Variants in ADCK1 observed in about 807,000 individuals in gnomAD.
The protein encoded by ADCK1 is aarF domain-containing protein kinase 1.
Under a neutral mutation model 52.3 loss-of-function variants are expected in ADCK1, and 41 were observed. That is an observed-to-expected ratio of 0.78 (90% CI 0.61 to 1.02). The LOEUF is 1.02. Ranked by LOEUF, ADCK1 falls within the 50% of genes least tolerant of loss-of-function variation. The pLI is 0.00. For missense variants in ADCK1, 658 were observed against 679.5 expected (o/e 0.97, Z 0.35); for synonymous variants, 250 against 274.6 (o/e 0.91, Z 0.89).
chr14:77,914,705 T>G (rs2083876832), intron 7 of ADCK1, among the ~76,000 whole-genome samples: 1 of 152,218 alleles, frequency 6.6e-6, no homozygotes, highest in Non-Finnish European at 1.5e-5. Flanking sequence ...GTTGGAGAGA[T>G]AACATCACTT....
intron 6 of ADCK1, among the ~76,000 whole-genome samples, chr14:77,901,862 C>T (rs895744109): frequency 6.6e-6 from 1 of 152,168 alleles, no homozygotes; most frequent in Non-Finnish European, 1.5e-5. Context: ...GAGGGCTCTT[C>T]TGGTTGTCTA....
chr14:77,852,656 AATAAATATATATATATAT>A lies in ADCK1; in HGVS notation c.220-6416_220-6399del, dbSNP rs1234883695. 4.6e-4 allele frequency among the ~76,000 whole-genome samples: 12 copies of A among 26,184 alleles called. 1 individual carries two copies. The highest frequency in any genetic ancestry group is 9.0e-4 in the African/African-American group (10 of 11,062). The allele number at this position is 26,184 out of a possible 152,430, so 17.2% of individuals were successfully genotyped here. A position where few individuals can be genotyped will look rare whatever the true frequency, so the allele number is the denominator to read the frequency against. Reference sequence around the variant, plus strand: ...ATTTCAGCCATTATTTCTTTAAATAAATAAATATATATATATATATATATATATATATATATATATATA... The same window carrying A: ...ATTTCAGCCATTATTTCTTTAAATAAATATATATATATATATATATATATA... On this transcript the variant is annotated intron_variant, in intron 3 of 10. Transcript: ENST00000238561.
Position 77,933,519 on chromosome 14 carries a change from A to G in ADCK1, c.*128A>G, listed in dbSNP as rs2084390225. The G allele has an allele frequency of 8.5e-7, 1 of 1,176,738 alleles. No individual in the cohort carries two copies. Among genetic ancestry groups the G allele is most frequent in the Non-Finnish European group, 1.2e-6 (1 of 814,102 alleles). The allele number at this position is 1,176,738 out of a possible 1,614,324, so 72.9% of individuals were successfully genotyped here. ...CCCCAGAGTCACTGTCCATGTCACC[A>G]TCCTTCTCCTCCTTTGGAATCCTCT... On this transcript the variant is annotated 3_prime_UTR_variant, in exon 11 of 11. Coordinates refer to ENST00000238561, the MANE Select transcript of ADCK1 (RefSeq NM_020421.4).
intron 3 of ADCK1, among the ~76,000 whole-genome samples, chr14:77,823,006 A>G (rs1161818291): frequency 6.6e-6 from 1 of 151,946 alleles, no homozygotes; most frequent in Non-Finnish European, 1.5e-5. Context: ...TGTCAGGCAA[A>G]ACCCAGTTGA....
At chr14:77,889,717 A>G (rs1056559104) in intron 5 of ADCK1, among the ~76,000 whole-genome samples, 6 of 152,206 alleles carry the variant, frequency 3.9e-5, no homozygotes, top group Non-Finnish European at 5.9e-5. Context: ...GAAATGGTCA[A>G]TGCAGCAACC....
At chr14:77,848,376 G>A (rs570306282) in intron 3 of ADCK1, among the ~76,000 whole-genome samples, 2 of 152,326 alleles carry the variant, frequency 1.3e-5, no homozygotes, top group South Asian at 4.1e-4. Context: ...TCTTGCATCC[G>A]TGCAATGAGG....
intron 7 of ADCK1, among the ~76,000 whole-genome samples, chr14:77,920,018 T>G (rs1437921010): frequency 6.6e-6 from 1 of 152,232 alleles, no homozygotes; most frequent in Non-Finnish European, 1.5e-5. Context: ...GAATATTTTC[T>G]CCTACTCTAT....
At chr14:77,921,326 C>CAAAAAAAAAAAAAAAAAAAAAAAAA (rs756056466) in intron 7 of ADCK1, among the ~76,000 whole-genome samples, 109 of 41,206 alleles carry the variant, frequency 2.6e-3, no homozygotes, top group African/African-American at 3.6e-3. Flanking sequence ...GACTCTGTCT[C>CAAAAAAAAAAAAAAAAAAAAAAAAA]AAAAAAAAAA....
intron 4 of ADCK1, among the ~76,000 whole-genome samples, chr14:77,884,761 A>G (rs2083110775): frequency 6.6e-6 from 1 of 152,232 alleles, no homozygotes; most frequent in South Asian, 2.1e-4. Context: ...ACTGAGAAAA[A>G]CATCTATATC....
At chr14:77,842,023 C>A (rs1168166619) in intron 3 of ADCK1, among the ~76,000 whole-genome samples, 1 of 151,990 alleles carries the variant, frequency 6.6e-6, no homozygotes, top group African/African-American at 2.4e-5. Context: ...CCCAGGAGTT[C>A]AAGGCTGCAG....
rs1428942190 is a variant in ADCK1 at position 77,843,727 on chromosome 14, C to T, written c.220-15349C>T. ...TGGGATTTCAGGGATGCTGGAACAA[C>T]TTTCTTTGCTTAATTCTTCCCTAAA... On this transcript the variant is annotated intron_variant, in intron 3 of 10. Transcript: ENST00000238561. 2.6e-5 allele frequency among the ~76,000 whole-genome samples: 4 copies of T among 152,236 alleles called. 1 individual carries two copies. The highest frequency in any genetic ancestry group is 5.9e-5 in the Non-Finnish European group (4 of 68,040).
At chr14:77,883,257 T>A (rs1165252468) in intron 4 of ADCK1, among the ~76,000 whole-genome samples, 1 of 151,726 alleles carries the variant, frequency 6.6e-6, no homozygotes, top group Non-Finnish European at 1.5e-5. Context: ...AGGAGGCAAG[T>A]TTCTGTGAGT....
intron 4 of ADCK1, among the ~76,000 whole-genome samples, chr14:77,863,364 G>A (rs2082592236): frequency 6.6e-6 from 1 of 152,080 alleles, no homozygotes; most frequent in Non-Finnish European, 1.5e-5. Flanking sequence ...TTTGAAGTGG[G>A]TGGGAAGCTT....
At chr14:77,905,665 C>A (rs1367038316) in intron 6 of ADCK1, among the ~76,000 whole-genome samples, 3 of 151,960 alleles carry the variant, frequency 2.0e-5, no homozygotes, top group East Asian at 3.9e-4. Context: ...ACAAAAACAA[C>A]AGGCAGGGCA....
At chr14:77,866,556 TG>T (rs369600355) in intron 4 of ADCK1, among the ~76,000 whole-genome samples, 7 of 152,170 alleles carry the variant, frequency 4.6e-5, no homozygotes, top group African/African-American at 1.7e-4. Flanking sequence ...CAAGGCCCTT[TG>T]GCAGCTCTCC....
Position 77,931,531 on chromosome 14 carries a change from G to C in ADCK1, c.1220G>C (p.Arg407Pro), listed in dbSNP as rs758294837. Reference sequence around the variant, plus strand: ...TTGCTGCTTCAGGACTTAGAGATTCGCAACAACGCGGCCAACTACCTCCCC... The same window carrying C: ...TTGCTGCTTCAGGACTTAGAGATTCCCAACAACGCGGCCAACTACCTCCCC... ...PVTATEDLEI[R>P]NNAANYLPQI... Residue 407 changes from arginine (R) to proline (P), a missense_variant, in exon 10 of 11, where the codon CGC becomes CCC. Arg to Pro is a moderately radical substitution (Grantham distance 103). Transcript: ENST00000238561. The C allele has an allele frequency of 6.2e-7, 1 of 1,613,136 alleles. No individual in the cohort carries two copies. The highest frequency in any genetic ancestry group is 1.1e-5 in the South Asian group (1 of 91,026).
At chr14:77,821,455 T>C (rs2140035907) in intron 2 of ADCK1, among the ~76,000 whole-genome samples, 1 of 152,240 alleles carries the variant, frequency 6.6e-6, no homozygotes, top group South Asian at 2.1e-4. Context: ...CCTGAACTTC[T>C]AGGGTCCCAG....
At chr14:77,837,079 G>C (rs2081975962) in intron 3 of ADCK1, among the ~76,000 whole-genome samples, 1 of 151,204 alleles carries the variant, frequency 6.6e-6, no homozygotes, top group Admixed American at 6.6e-5. Flanking sequence ...CCTACCTCTT[G>C]TTTTTAATAA....
At chr14:77,844,918 C>G (rs924793714) in intron 3 of ADCK1, among the ~76,000 whole-genome samples, 3 of 152,218 alleles carry the variant, frequency 2.0e-5, no homozygotes, top group African/African-American at 7.2e-5. Flanking sequence ...CACCTGGACT[C>G]AGAGTGCGTG....
Sources: allele counts gnomAD v4.1 joint callset (sites outside exome capture counted in the v4.1 genomes callset), GRCh38; gene constraint gnomAD v4.1.1; transcripts MANE v1.5; gene names NCBI Gene and HGNC (gene_info 2026-07-23, HGNC 2026-07-21).